The following TNRC6C variants were observed in gnomAD, a reference collection of about 807,000 sequenced individuals.
TNRC6C encodes trinucleotide repeat-containing gene 6C protein.
In TNRC6C, 20 loss-of-function variants were observed where a neutral mutation model predicts 153.7. The observed-to-expected ratio is 0.13, with a 90% CI of 0.09 to 0.19. The LOEUF (loss-of-function observed/expected upper bound fraction) is 0.19. Among genes scored for constraint, TNRC6C ranks in the 10% least tolerant of loss-of-function variants. The probability of loss-of-function intolerance (pLI) is 1.00; values close to 1 mark genes in which losing one functional copy is unlikely to be tolerated. For missense variants in TNRC6C, 1,987 were observed against 2,172.0 expected, an observed-to-expected ratio of 0.91 and a Z score of 1.69; for synonymous variants, 811 against 841.4, an observed-to-expected ratio of 0.96 and a Z score of 0.63.
chr17:77,990,662 T>C (rs1375595243), intron 1 of TNRC6C, among the ~76,000 whole-genome samples: 1 of 152,228 alleles, frequency 6.6e-6, no homozygotes, highest in East Asian at 1.9e-4. Context: ...CATGCTGTAA[T>C]TAATGTATTA....
At chr17:78,051,052 C>G in exon 3 of TNRC6C, 1 of 1,611,208 alleles carries the variant, frequency 6.2e-7, no homozygotes, top group Non-Finnish European at 8.5e-7. Flanking sequence ...ACCTGGCCCC[C>G]AACAGAACTG....
At chr17:77,983,308 T>A (rs1004540446) in intron 1 of TNRC6C, among the ~76,000 whole-genome samples, 15 of 152,160 alleles carry the variant, frequency 9.9e-5, no homozygotes, top group African/African-American at 2.7e-4. Flanking sequence ...GATGAGGCTA[T>A]AACCCATTTG....
intron 1 of TNRC6C, among the ~76,000 whole-genome samples, chr17:78,028,670 G>A (rs999000752): frequency 1.3e-5 from 2 of 152,116 alleles, no homozygotes; most frequent in African/African-American, 4.8e-5. Context: ...AATGTAAAGG[G>A]AAACAGTACC....
chr17:78,098,076 C>T (rs565300614), intron 16 of TNRC6C, among the ~76,000 whole-genome samples: 4 of 152,346 alleles, frequency 2.6e-5, no homozygotes, highest in African/African-American at 9.6e-5. Flanking sequence ...ACGTCTTCTC[C>T]ATACAAGTGT....
At chr17:78,039,309 G>GCCCCCCCCCCCCCCCC (rs11306576) in intron 2 of TNRC6C, among the ~76,000 whole-genome samples, 7 of 113,464 alleles carry the variant, frequency 6.2e-5, no homozygotes, top group African/African-American at 2.5e-4. Flanking sequence ...TTCAAATCTT[G>GCCCCCCCCCCCCCCCC]CCCCCCCCCC....
intron 17 of TNRC6C, among the ~76,000 whole-genome samples, chr17:78,101,143 C>A (rs994333599): frequency 7.2e-5 from 11 of 152,180 alleles, no homozygotes; most frequent in African/African-American, 2.7e-4. Flanking sequence ...CCCAAGTCAC[C>A]TCTTGAAGGC....
intron 5 of TNRC6C, among the ~76,000 whole-genome samples, chr17:78,068,658 G>A (rs1468158047): frequency 6.6e-6 from 1 of 152,164 alleles, no homozygotes; most frequent in African/African-American, 2.4e-5. Context: ...GCTGGGCGTG[G>A]TGGTGGGTGC....
At chr17:78,082,909 T>C (rs1043814442) in intron 10 of TNRC6C, 138 bp from the exon 13 acceptor site, 1 of 1,014,784 alleles carries the variant, frequency 9.9e-7, no homozygotes, top group South Asian at 1.6e-5. Flanking sequence ...GCATTTCATC[T>C]TTTATTCCAT....
At chr17:78,014,357 T>C (rs1357838340) in intron 1 of TNRC6C, among the ~76,000 whole-genome samples, 1 of 152,150 alleles carries the variant, frequency 6.6e-6, no homozygotes, top group Non-Finnish European at 1.5e-5. Flanking sequence ...ATGTTACATA[T>C]GAGAAGATTA....
chr17:78,081,319 C>G (rs2073175256), intron 10 of TNRC6C, among the ~76,000 whole-genome samples: 1 of 151,850 alleles, frequency 6.6e-6, no homozygotes, highest in African/African-American at 2.4e-5. Context: ...GAAGGCAATG[C>G]TAGCATACGA....
upstream of TNRC6C, among the ~76,000 whole-genome samples, chr17:77,957,567 C>T (rs2070817510): frequency 6.6e-6 from 1 of 152,166 alleles, no homozygotes; most frequent in South Asian, 2.1e-4. Context: ...GTTATTATCT[C>T]CTCTTCAAGA....
At chr17:78,002,215 ACTT>A (rs1275468310), upstream of TNRC6C, among the ~76,000 whole-genome samples, 3 of 152,298 alleles carry the variant, frequency 2.0e-5, no homozygotes, top group East Asian at 5.8e-4. Flanking sequence ...TAAAAGGAAA[ACTT>A]ACAGATTTTC....
exon 3 of TNRC6C, chr17:78,050,174 A>G: frequency 6.4e-7 from 1 of 1,564,732 alleles, no homozygotes. Context: ...GTCACCAGCC[A>G]GAACCCTACC....
At chr17:77,970,130 C>T (rs2070929417) in intron 1 of TNRC6C, among the ~76,000 whole-genome samples, 1 of 152,238 alleles carries the variant, frequency 6.6e-6, no homozygotes, top group African/African-American at 2.4e-5. Flanking sequence ...TTCTTCAACA[C>T]AAAAAGTTTG....
chr17:77,995,740 G>A (rs996309981), intron 1 of TNRC6C, among the ~76,000 whole-genome samples: 4 of 151,764 alleles, frequency 2.6e-5, no homozygotes, highest in South Asian at 2.1e-4. Flanking sequence ...ACACACACAC[G>A]TGTCATTATA....
At chr17:78,098,936 T>C (rs1389956251) in intron 17 of TNRC6C, among the ~76,000 whole-genome samples, 1 of 152,192 alleles carries the variant, frequency 6.6e-6, no homozygotes, top group Non-Finnish European at 1.5e-5. Flanking sequence ...CTGCTTTTTA[T>C]ATTTGCTTCT....
chr17:78,086,859 C>G, exon 13 of TNRC6C: 1 of 1,611,792 alleles, frequency 6.2e-7, no homozygotes, highest in Non-Finnish European at 8.5e-7. Flanking sequence ...CCAGGTTGCG[C>G]GCACAATCAC....
Position 78,049,080 on chromosome 17 carries a change from C to A in TNRC6C, c.18C>A (p.Ala6=). The A allele has an allele frequency of 6.4e-7, 1 of 1,551,334 alleles. No homozygotes were observed. The highest frequency in any genetic ancestry group is 8.7e-7 in the Non-Finnish European group (1 of 1,146,730). Residue 6 remains alanine, a synonymous_variant, in exon 3 of 20, where the codon GCC becomes GCA. Coordinates refer to ENST00000301624, the Ensembl canonical transcript of TNRC6C. This position sits in a 1 kb window ranked among gnomAD's most constrained non-coding sequence, Gnocchi z 4.1. ...ACAGTAGCATGGCTACAGGGAGTGCCCAGGGCAACTTCACTGGACATACCA... is the reference window on the plus strand; with the variant it reads ...ACAGTAGCATGGCTACAGGGAGTGCACAGGGCAACTTCACTGGACATACCA...
At chr17:78,063,735 C>T (rs1477323524) in intron 3 of TNRC6C, among the ~76,000 whole-genome samples, 1 of 152,094 alleles carries the variant, frequency 6.6e-6, no homozygotes, top group African/African-American at 2.4e-5. Flanking sequence ...ATGACTTTAC[C>T]TTTATGTTTT....
Sources: allele counts gnomAD v4.1 joint callset (sites outside exome capture counted in the v4.1 genomes callset), GRCh38; gene constraint gnomAD v4.1.1; non-coding constraint Gnocchi (gnomAD v3.1); transcripts MANE v1.5; gene names NCBI Gene and HGNC (gene_info 2026-07-23, HGNC 2026-07-21).